Variants in PACS2 observed in about 807,000 individuals in gnomAD.
The protein encoded by PACS2 is phosphofurin acidic cluster sorting protein 2.
In PACS2, 36 loss-of-function variants were observed where a neutral mutation model predicts 113.0. The ratio of observed to expected loss-of-function variants is 0.32; its 90% confidence interval spans 0.24 to 0.42. PACS2 has a LOEUF of 0.42. PACS2 is among the 10% of genes least tolerant of loss of function. The pLI, the probability that PACS2 is intolerant of heterozygous loss-of-function variation, is 1.00. For missense variants in PACS2, 1,015 were observed against 1,239.5 expected (o/e 0.82, Z 2.72); for synonymous variants, 589 against 536.1 (o/e 1.10, Z -1.36).
chr14:105,369,735 G>C (rs1365392583), intron 7 of PACS2, 106 bp from the exon 8 acceptor site: 12 of 930,042 alleles, frequency 1.3e-5, no homozygotes, highest in Non-Finnish European at 2.0e-5. Context: ...AGGCCTTGCT[G>C]CTCTCCCACG....
At chr14:105,309,915 A>G (rs966067038), upstream of PACS2, among the ~76,000 whole-genome samples, 11 of 150,258 alleles carry the variant, frequency 7.3e-5, no homozygotes, top group South Asian at 2.1e-4. The surrounding 1 kb of genome is among the most constrained non-coding windows in gnomAD (Gnocchi z 4.0). Flanking sequence ...CCTCCCGACT[A>G]GCTGGGACTA....
Position 105,340,639 on chromosome 14 carries a change from G to C in PACS2, c.120-7854G>C, listed in dbSNP as rs1422842289. The stretch of plus-strand genomic sequence containing the variant: ...TGTGCGGCCAGTTGCTAACAGGCCA[G>C]GAACCTGTCCTGGGGGTTGGGGACC... On this transcript the variant is annotated intron_variant, in intron 1 of 24. Coordinates refer to ENST00000447393, the MANE Select transcript of PACS2 (RefSeq NM_001100913.3). This position sits in a 1 kb window ranked among gnomAD's most constrained non-coding sequence, Gnocchi z 4.2. 6.6e-6 allele frequency among the ~76,000 whole-genome samples: 1 copy of C among 152,262 alleles called. No homozygotes were observed. The highest frequency in any genetic ancestry group is 1.5e-5 in the Non-Finnish European group (1 of 68,042).
At chr14:105,384,097 T>A in intron 16 of PACS2, 1 of 494,592 alleles carries the variant, frequency 2.0e-6, no homozygotes, top group Non-Finnish European at 3.7e-6. Context: ...CACGGTCACA[T>A]GTGCCCTGCT....
chr14:105,384,461 C>A lies in PACS2; in HGVS notation c.1889C>A (p.Ala630Glu). 6.2e-7 allele frequency: 1 copy of A among 1,600,766 alleles called. No individual in the cohort carries two copies. The highest frequency in any genetic ancestry group is 8.5e-7 in the Non-Finnish European group (1 of 1,170,456). ...DLFNKLEAQS[A>E]VQDTPDIVSR... Reference sequence around the variant, plus strand: ...TTCAACAAGCTGGAGGCCCAGAGTGCGGGTGAGGCCCGGGCGCGTCCACAG... The same window carrying A: ...TTCAACAAGCTGGAGGCCCAGAGTGAGGGTGAGGCCCGGGCGCGTCCACAG... The change falls in exon 17 of 25, where the codon GCG becomes GAG. Residue 630 changes from alanine (A) to glutamate (E), a missense_variant and splice_region_variant. Physicochemically the swap from Ala to Glu is moderately radical, Grantham distance 107. This residue lies in a region of PACS2 where 859 missense variants were observed against 1,056.8 expected (regional missense o/e 0.81). Coordinates refer to ENST00000447393, the MANE Select transcript of PACS2 (RefSeq NM_001100913.3).
In PACS2 at chr14:105,315,531, G is replaced by A. The variant is rs1484701120; in HGVS notation, c.119+494G>A. The A allele has an allele frequency of 6.6e-6, 1 of 152,296 alleles. No homozygotes were observed. The highest frequency in any genetic ancestry group is 2.4e-5 in the African/African-American group (1 of 41,470). The allele number at this position is 152,296 out of a possible 1,614,324, so 9.4% of individuals were successfully genotyped here. On this transcript the variant is annotated intron_variant, in intron 1 of 24. Transcript: ENST00000447393. This position sits in a 1 kb window ranked among gnomAD's most constrained non-coding sequence, Gnocchi z 4.4. The stretch of plus-strand genomic sequence containing the variant: ...CGCGGTGGAGATGCCCTGTCCTGCG[G>A]GGCGGGGTCGTCCTCGCGGGTACCT...
In PACS2 at chr14:105,323,520, G is replaced by T. The variant is rs1051257817; in HGVS notation, c.119+8483G>T. On this transcript the variant is annotated intron_variant, in intron 1 of 24. Coordinates refer to ENST00000447393, the MANE Select transcript of PACS2 (RefSeq NM_001100913.3). This position sits in a 1 kb window ranked among gnomAD's most constrained non-coding sequence, Gnocchi z 4.1. The stretch of plus-strand genomic sequence containing the variant: ...AGCCTGCACAGTGTAGCTCCTTGGC[G>T]GACGTTCCTGTAATGGAACCAGGAT... 1.3e-5 allele frequency among the ~76,000 whole-genome samples: 2 copies of T among 152,258 alleles called. No individual in the cohort carries two copies. The highest frequency in any genetic ancestry group is 1.3e-4 in the Admixed American group (2 of 15,290).
chr14:105,383,956 G>T, intron 16 of PACS2: 1 of 284,298 alleles, frequency 3.5e-6, no homozygotes, highest in Non-Finnish European at 6.7e-6. Flanking sequence ...AGGTCCATAC[G>T]ATGTGTCTTA....
rs587713062 is a variant in PACS2 at position 105,306,763 on chromosome 14, G to A, written c.-83+5784G>A. Reference sequence around the variant, plus strand: ...TAGGATTACAGGCACCTGCCACTGCGCCCAGCTAATTTTTGTATTTTTAGT... The same window carrying A: ...TAGGATTACAGGCACCTGCCACTGCACCCAGCTAATTTTTGTATTTTTAGT... On this transcript the variant is annotated intron_variant, in intron 1 of 23. Transcript: ENST00000430725. 2.5e-3 allele frequency among the ~76,000 whole-genome samples: 383 copies of A among 152,230 alleles called. 2 individuals carry two copies. Among genetic ancestry groups the A allele is most frequent in the African/African-American group, 8.7e-3 (363 of 41,536 alleles).
At chr14:105,326,638 G>C (rs889393214) in intron 1 of PACS2, among the ~76,000 whole-genome samples, 1 of 152,208 alleles carries the variant, frequency 6.6e-6, no homozygotes, top group Non-Finnish European at 1.5e-5. Context: ...AGGTCATGAG[G>C]CCCCTCGGTC....
chr14:105,386,844 C>G (rs1465861456), intron 19 of PACS2, among the ~76,000 whole-genome samples: 1 of 152,162 alleles, frequency 6.6e-6, no homozygotes, highest in South Asian at 2.1e-4. Flanking sequence ...AGGTGAAAGA[C>G]CAGCCGTGGG....
At position 105,357,990 on chromosome 14, in the gene PACS2, C is replaced by T. The variant is rs1424803106; in HGVS notation, c.423+2813C>T. 6.6e-6 allele frequency among the ~76,000 whole-genome samples: 1 copy of T among 152,166 alleles called. No homozygotes were observed. The highest frequency in any genetic ancestry group is 6.5e-5 in the Admixed American group (1 of 15,286). ...GATGTGGGGGGCACCTGCCCAGGACCTCCAGGCTGTGGGGAGACCAGGAGG... is the reference window on the plus strand; with the variant it reads ...GATGTGGGGGGCACCTGCCCAGGACTTCCAGGCTGTGGGGAGACCAGGAGG... On this transcript the variant is annotated intron_variant, in intron 4 of 24. Transcript: ENST00000447393. This position sits in a 1 kb window ranked among gnomAD's most constrained non-coding sequence, Gnocchi z 5.1.
chr14:105,387,865 C>T (rs190780537), intron 19 of PACS2, among the ~76,000 whole-genome samples: 82 of 152,334 alleles, frequency 5.4e-4, no homozygotes, highest in Non-Finnish European at 9.0e-4. Context: ...CAGCCACCAC[C>T]TGTCTTCTGT....
At chr14:105,381,676 G>A (rs782246979) in intron 12 of PACS2, among the ~76,000 whole-genome samples, 1 of 152,242 alleles carries the variant, frequency 6.6e-6, no homozygotes, top group Non-Finnish European at 1.5e-5. Context: ...CTCACAGGCA[G>A]AGCTGTGTGG....
intron 1 of PACS2, among the ~76,000 whole-genome samples, chr14:105,326,367 G>T (rs2059107015): frequency 6.6e-6 from 1 of 152,272 alleles, no homozygotes; most frequent in Non-Finnish European, 1.5e-5. Context: ...CAGACATCCT[G>T]CATCTTCCCA....
chr14:105,372,646 G>C (rs781926137), intron 8 of PACS2: 3 of 152,196 alleles, frequency 2.0e-5, no homozygotes, highest in African/African-American at 7.2e-5. Flanking sequence ...GGTGGCTCAC[G>C]CCTGTAATCC....
rs2080781715 is a variant in PACS2 at position 105,376,502 on chromosome 14, C to T, written c.802-266C>T. 6.6e-6 allele frequency among the ~76,000 whole-genome samples: 1 copy of T among 152,186 alleles called. No individual in the cohort carries two copies. ...GAGCTCACCTGCCTGCACCCAGGCC[C>T]TCCGTGCACCCTGGCAGCCCAGATG... On this transcript the variant is annotated intron_variant, in intron 8 of 24. Coordinates refer to ENST00000447393, the MANE Select transcript of PACS2 (RefSeq NM_001100913.3). The surrounding 1 kb of genome is among the most constrained non-coding windows in gnomAD (Gnocchi z 4.7).
At chr14:105,374,456 T>G (rs587631516) in intron 8 of PACS2, among the ~76,000 whole-genome samples, 1 of 152,294 alleles carries the variant, frequency 6.6e-6, no homozygotes, top group African/African-American at 2.4e-5. Flanking sequence ...TGCTTATAAC[T>G]GAAAAATAAA....
Position 105,358,589 on chromosome 14 carries a change from C to A in PACS2, c.423+3412C>A, listed in dbSNP as rs1274569503. On this transcript the variant is annotated intron_variant, in intron 4 of 24. Coordinates refer to ENST00000447393, the MANE Select transcript of PACS2 (RefSeq NM_001100913.3). This position sits in a 1 kb window ranked among gnomAD's most constrained non-coding sequence, Gnocchi z 4.9. Reference sequence around the variant, plus strand: ...GGTGGCCATTGTCTGAGGCTGGGGCCTGTGGGCTCCCCGACAAGACAGGAA... The same window carrying A: ...GGTGGCCATTGTCTGAGGCTGGGGCATGTGGGCTCCCCGACAAGACAGGAA... 2.6e-5 allele frequency among the ~76,000 whole-genome samples: 4 copies of A among 152,342 alleles called. No homozygotes were observed. The South Asian group carries it at 6.2e-4, about 24-fold the overall frequency.
intron 8 of PACS2, chr14:105,374,491 T>C (rs1277221838): frequency 6.6e-6 from 1 of 152,242 alleles, no homozygotes; most frequent in Non-Finnish European, 1.5e-5. Flanking sequence ...AGTTAAAAGC[T>C]GAACTGTCCA....
Sources: allele counts gnomAD v4.1 joint callset (sites outside exome capture counted in the v4.1 genomes callset), GRCh38; gene constraint gnomAD v4.1.1; regional missense constraint gnomAD v4.1.1; non-coding constraint Gnocchi (gnomAD v3.1); transcripts MANE v1.5; gene names NCBI Gene and HGNC (gene_info 2026-07-23, HGNC 2026-07-21).